The following CEP128 variants were observed in gnomAD, a reference collection of about 807,000 sequenced individuals.
CEP128 encodes centrosomal protein 128kDa.
CEP128 carries 132 observed loss-of-function variants against 156.7 expected under a neutral mutation model. That is an observed-to-expected ratio of 0.84 (90% CI 0.73 to 0.97). The LOEUF (loss-of-function observed/expected upper bound fraction) is 0.97. Among genes scored for constraint, CEP128 ranks in the 50% least tolerant of loss-of-function variants. CEP128 has a pLI of 0.00. For synonymous variants in CEP128, 469 were observed against 448.9 expected (o/e 1.04, Z -0.57); for missense variants, 1,252 against 1,281.9 (o/e 0.98, Z 0.36).
At position 80,517,865 on chromosome 14, in the gene CEP128, C is replaced by G. The variant is rs547262399; in HGVS notation, c.3072+9004G>C. On this transcript the variant is annotated intron_variant, in intron 23 of 24. Transcript: ENST00000555265. ...GCACTGAGCCGTGCAGGAACAATGG[C>G]GAGCCTTTATCCTGACTGGGAGTGG... Among the ~76,000 whole-genome samples, 3 of 152,112 alleles carry G rather than the reference C, an allele frequency of 2.0e-5. No homozygotes were observed. The East Asian group carries it at 5.8e-4, about 30-fold the overall frequency.
intron 2 of CEP128, among the ~76,000 whole-genome samples, chr14:80,924,400 G>T (rs541069230): frequency 1.3e-5 from 2 of 152,264 alleles, no homozygotes; most frequent in East Asian, 3.9e-4. Context: ...TACTTAAATT[G>T]ATTTTTCATC....
chr14:80,652,713 A>T (rs914603320), intron 19 of CEP128, among the ~76,000 whole-genome samples: 2 of 152,190 alleles, frequency 1.3e-5, no homozygotes, highest in Non-Finnish European at 2.9e-5. Flanking sequence ...GGATGTGGAG[A>T]AATAGAAATG....
intron 19 of CEP128, among the ~76,000 whole-genome samples, chr14:80,726,541 A>G (rs1898027513): frequency 6.6e-6 from 1 of 152,220 alleles, no homozygotes; most frequent in Non-Finnish European, 1.5e-5. Flanking sequence ...AAAAGCAGAG[A>G]GTGTCCTCTT....
intron 19 of CEP128, among the ~76,000 whole-genome samples, chr14:80,582,196 T>C (rs1891620581): frequency 6.6e-6 from 1 of 152,164 alleles, no homozygotes; most frequent in African/African-American, 2.4e-5. Flanking sequence ...ATGACTGAGA[T>C]GGGAGCCCAA....
At chr14:80,483,787 T>C (rs1566733028) in intron 14 of CEP128, among the ~76,000 whole-genome samples, 1 of 152,172 alleles carries the variant, frequency 6.6e-6, no homozygotes, top group Non-Finnish European at 1.5e-5. Flanking sequence ...AATTTAGAAA[T>C]ACAGTAATCA....
intron 8 of CEP128, among the ~76,000 whole-genome samples, chr14:80,890,798 A>T (rs1889060099): frequency 6.6e-6 from 1 of 152,158 alleles, no homozygotes; most frequent in African/African-American, 2.4e-5. Flanking sequence ...TTTAATTAAA[A>T]ATAAAAATAA....
At position 80,598,420 on chromosome 14, in the gene CEP128, G is replaced by A. The variant is rs746672212; in HGVS notation, c.2807-17997C>T. Among the ~76,000 whole-genome samples, 117 of 152,196 alleles carry A rather than the reference G, an allele frequency of 7.7e-4. 1 individual carries two copies. Among genetic ancestry groups the A allele is most frequent in the Middle Eastern group, 3.4e-3 (1 of 294 alleles). ...AATAAGTATAAATTTAACAAAACAT[G>A]TAAAGAATTTGTTTGCAGAAAACAA... On this transcript the variant is annotated intron_variant, in intron 19 of 24. Transcript: ENST00000555265.
intron 2 of CEP128, among the ~76,000 whole-genome samples, chr14:80,934,965 T>C (rs1340420764): frequency 6.6e-6 from 1 of 152,226 alleles, no homozygotes; most frequent in Non-Finnish European, 1.5e-5. Flanking sequence ...ATTTCTGTAC[T>C]AAGTGCTTTA....
Position 80,771,982 on chromosome 14 carries a change from T to G in CEP128, c.2376+5900A>C, listed in dbSNP as rs559990319. 1.2e-4 allele frequency among the ~76,000 whole-genome samples: 18 copies of G among 152,308 alleles called. No individual in the cohort carries two copies. In the South Asian group the frequency reaches 3.7e-3, roughly 32 times the overall value. On this transcript the variant is annotated intron_variant, in intron 16 of 24. Transcript: ENST00000555265. ...AAAATAAGGTATTGGGAGCTGACCT[T>G]CTGTTTAAGATTATGTTTAAGCTGA... is the stretch of plus-strand genomic sequence containing the variant.
intron 9 of CEP128, among the ~76,000 whole-genome samples, chr14:80,851,677 T>C (rs1407062550): frequency 6.6e-6 from 1 of 151,734 alleles, no homozygotes; most frequent in Admixed American, 6.6e-5. Context: ...ATAAAAACAC[T>C]TTAAAATATT....
At chr14:80,880,658 C>T (rs1408190223) in intron 8 of CEP128, among the ~76,000 whole-genome samples, 1 of 150,564 alleles carries the variant, frequency 6.6e-6, no homozygotes, top group Non-Finnish European at 1.5e-5. Flanking sequence ...AGATCAAGAC[C>T]ATCCTGGCTA....
downstream of CEP128, among the ~76,000 whole-genome samples, chr14:80,487,887 G>C (rs1887204645): frequency 6.6e-6 from 1 of 151,806 alleles, no homozygotes; most frequent in Non-Finnish European, 1.5e-5. Flanking sequence ...GTGTGTAGAG[G>C]GAAATTTATA....
chr14:80,788,612 T>C (rs1473619643), intron 14 of CEP128, among the ~76,000 whole-genome samples: 1 of 152,098 alleles, frequency 6.6e-6, no homozygotes, highest in African/African-American at 2.4e-5. Flanking sequence ...ACTATCCTCT[T>C]ATTCACAGCA....
chr14:80,778,574 C>G (rs909333061), intron 15 of CEP128, among the ~76,000 whole-genome samples: 5 of 152,102 alleles, frequency 3.3e-5, no homozygotes, highest in Non-Finnish European at 5.9e-5. Flanking sequence ...CAATACTACT[C>G]TTATGGGGCT....
chr14:80,681,316 A>C (rs1896315917), intron 19 of CEP128, among the ~76,000 whole-genome samples: 1 of 152,330 alleles, frequency 6.6e-6, no homozygotes, highest in African/African-American at 2.4e-5. Context: ...ATGAGAAAGA[A>C]CCAGTGAAGG....
chr14:80,754,259 T>C (rs1195530400), intron 18 of CEP128, among the ~76,000 whole-genome samples: 7 of 152,170 alleles, frequency 4.6e-5, no homozygotes, highest in Non-Finnish European at 5.9e-5. Context: ...ATTCATCAAA[T>C]TGCTTCTGTT....
At chr14:80,765,949 A>G (rs1430289809) in intron 16 of CEP128, among the ~76,000 whole-genome samples, 1 of 152,226 alleles carries the variant, frequency 6.6e-6, no homozygotes, top group African/African-American at 2.4e-5. Flanking sequence ...AAAAGTTTTC[A>G]GCAAGTTATG....
At chr14:80,932,650 G>A (rs966744911) in intron 2 of CEP128, among the ~76,000 whole-genome samples, 1 of 152,128 alleles carries the variant, frequency 6.6e-6, no homozygotes, top group East Asian at 1.9e-4. Context: ...GGACTGTCTA[G>A]TTGCAGGAAA....
At chr14:80,744,809 G>A (rs1037592980) in intron 18 of CEP128, among the ~76,000 whole-genome samples, 3 of 152,150 alleles carry the variant, frequency 2.0e-5, no homozygotes, top group Non-Finnish European at 4.4e-5. Flanking sequence ...AGGATGTTGA[G>A]AATCCCTTGC....
Sources: gnomAD v4.1 joint callset for allele counts (sites outside exome capture counted in the v4.1 genomes callset) on GRCh38, gnomAD v4.1.1 for gene constraint, MANE v1.5 for transcripts, NCBI Gene and HGNC (gene_info 2026-07-23, HGNC 2026-07-21) for gene names.